Variants in OXNAD1 observed in about 807,000 individuals in gnomAD.
OXNAD1 encodes oxidoreductase NAD-binding domain-containing protein 1.
In OXNAD1, 34 loss-of-function variants were observed where a neutral mutation model predicts 32.9. The observed-to-expected ratio is 1.03, with a 90% CI of 0.79 to 1.38. OXNAD1 has a LOEUF of 1.38. OXNAD1 is among the 40% of genes most tolerant of loss of function. OXNAD1 has a pLI of 0.00. For missense variants in OXNAD1, 407 were observed against 379.4 expected, an observed-to-expected ratio of 1.07 and a Z score of -0.60; for synonymous variants, 134 against 135.2, an observed-to-expected ratio of 0.99 and a Z score of 0.06.
In OXNAD1 at chr3:16,317,121, C is replaced by T; in HGVS notation, c.*30+13529C>T. ...TCTCCAGCTTTGGAAGACTGGTCTT[C>T]TAAGTTCTTCTCATTTTCTTCTGCT... is the stretch of plus-strand genomic sequence containing the variant. On this transcript the variant is annotated intron_variant, in intron 9 of 9. Transcript: ENST00000435829. The surrounding 1 kb of genome is among the most constrained non-coding windows in gnomAD (Gnocchi z 4.3). 6.2e-7 allele frequency: 1 copy of T among 1,613,860 alleles called. No individual in the cohort carries two copies. The highest frequency in any genetic ancestry group is 8.5e-7 in the Non-Finnish European group (1 of 1,179,994).
downstream of OXNAD1, among the ~76,000 whole-genome samples, chr3:16,351,322 C>G (rs1189783527): frequency 2.0e-5 from 3 of 152,174 alleles, no homozygotes; most frequent in Non-Finnish European, 2.9e-5. This position sits in a 1 kb window ranked among gnomAD's most constrained non-coding sequence, Gnocchi z 5.4. Flanking sequence ...ACATATGAAG[C>G]CTTCAGGGAA....
At chr3:16,292,359 A>C (rs1316539186) in intron 5 of OXNAD1, among the ~76,000 whole-genome samples, 1 of 151,642 alleles carries the variant, frequency 6.6e-6, no homozygotes, top group Admixed American at 6.6e-5. Flanking sequence ...TGCCCAGCTA[A>C]TTTTTTTATT....
intron 9 of OXNAD1, among the ~76,000 whole-genome samples, chr3:16,325,811 C>T (rs997803028): frequency 6.6e-6 from 1 of 152,220 alleles, no homozygotes; most frequent in African/African-American, 2.4e-5. Flanking sequence ...CATGATTCTG[C>T]ACTCTCAATC....
chr3:16,294,285 A>T (rs758980453), intron 5 of OXNAD1, among the ~76,000 whole-genome samples: 3 of 151,236 alleles, frequency 2.0e-5, no homozygotes, highest in East Asian at 3.9e-4. Context: ...TCACTGCAAC[A>T]TCCACCTCCC....
rs1181164044 is a variant in OXNAD1, at chr3:16,327,448, A to G, written c.*31-9664A>G. 1.3e-5 allele frequency among the ~76,000 whole-genome samples: 2 copies of G among 152,148 alleles called. No individual in the cohort carries two copies. The highest frequency in any genetic ancestry group is 2.4e-5 in the African/African-American group (1 of 41,430). ...TCAAATTAGGATTTGGGGAACTAAC[A>G]TTTGTCTTTCAGTTAAAAAACTCAG... On this transcript the variant is annotated intron_variant, in intron 9 of 9. Coordinates refer to the OXNAD1 transcript ENST00000435829. This position sits in a 1 kb window ranked among gnomAD's most constrained non-coding sequence, Gnocchi z 4.2.
chr3:16,324,326 T>C (rs527598261), intron 9 of OXNAD1, among the ~76,000 whole-genome samples: 4 of 152,296 alleles, frequency 2.6e-5, no homozygotes, highest in African/African-American at 9.6e-5. Flanking sequence ...CTGTAAACTA[T>C]ACAAGGCATT....
In OXNAD1 at chr3:16,312,971, C is replaced by T. The variant is rs144618986; in HGVS notation, c.*30+9379C>T. ...ATTTCTGTTAAGATGGGATATACTA[C>T]GCTTCAGTAGCCAATAAATCTCAAA... On this transcript the variant is annotated intron_variant, in intron 9 of 9. Transcript: ENST00000435829. This position sits in a 1 kb window ranked among gnomAD's most constrained non-coding sequence, Gnocchi z 4.7. Among the ~76,000 whole-genome samples, 7 of 152,136 alleles carry T rather than the reference C, an allele frequency of 4.6e-5. No homozygotes were observed. Among genetic ancestry groups the T allele is most frequent in the East Asian group, 1.9e-4 (1 of 5,176 alleles).
At position 16,317,239 on chromosome 3, in the gene OXNAD1, A is replaced by G. The variant is rs2068505357; in HGVS notation, c.*30+13647A>G. ...TGGAGAATCGCCACTGAAACTAGAA[A>G]TCAGAAAGGATGGGGATAAATAACA... On this transcript the variant is annotated intron_variant, in intron 9 of 9. Coordinates refer to the OXNAD1 transcript ENST00000435829. The surrounding 1 kb of genome is among the most constrained non-coding windows in gnomAD (Gnocchi z 4.3). The G allele has an allele frequency of 6.2e-7, 1 of 1,610,726 alleles. No homozygotes were observed. Among genetic ancestry groups the G allele is most frequent in the African/African-American group, 1.3e-5 (1 of 74,740 alleles).
At chr3:16,323,287 A>T in intron 9 of OXNAD1, 1 of 942,276 alleles carries the variant, frequency 1.1e-6, no homozygotes, top group Non-Finnish European at 1.7e-6. Context: ...TGGAAGCTGG[A>T]GCAGGCTGCC....
chr3:16,302,574 A>G lies in OXNAD1; in HGVS notation c.676-66A>G, dbSNP rs147306246. ...GAATGGGAGTTGAGGTTCAGCGTCAATGGTTGTGCACATCTGTTTTGATTT... is the reference window on the plus strand; with the variant it reads ...GAATGGGAGTTGAGGTTCAGCGTCAGTGGTTGTGCACATCTGTTTTGATTT... On this transcript the variant is annotated intron_variant, in intron 7 of 8. Transcript: ENST00000285083. This position sits in a 1 kb window ranked among gnomAD's most constrained non-coding sequence, Gnocchi z 4.2. 315 of 1,072,176 alleles carry G rather than the reference A, an allele frequency of 2.9e-4. 1 individual carries two copies. The East Asian group carries it at 6.5e-3, about 22-fold the overall frequency. 66.4% of individuals were successfully genotyped at this position (1,072,176 alleles called of 1,614,324 possible). A position where few individuals can be genotyped will look rare whatever the true frequency, so the allele number is the denominator to read the frequency against.
Position 16,289,437 on chromosome 3 carries a change from T to C in OXNAD1, c.290+2989T>C, listed in dbSNP as rs1424816347. Among the ~76,000 whole-genome samples the C allele has an allele frequency of 1.3e-5, 2 of 152,208 alleles. No individual in the cohort carries two copies. The highest frequency in any genetic ancestry group is 2.4e-5 in the African/African-American group (1 of 41,454). ...GTGGAGGGAATTCCTGGTCCTAGTG[T>C]GTCTGACTTTCTACAAGATAACATA... On this transcript the variant is annotated intron_variant, in intron 5 of 8. Coordinates refer to ENST00000285083, the MANE Select transcript of OXNAD1 (RefSeq NM_138381.5). The surrounding 1 kb of genome is among the most constrained non-coding windows in gnomAD (Gnocchi z 4.9).
At position 16,302,644 on chromosome 3, in the gene OXNAD1, AT is replaced by A. The variant is rs1357161547; in HGVS notation, c.681del (p.Asn227LysfsTer5). 1 of 1,607,090 alleles carries A rather than the reference AT, an allele frequency of 6.2e-7. No individual in the cohort carries two copies. Among genetic ancestry groups the A allele is most frequent in the South Asian group, 1.1e-5 (1 of 90,520 alleles). Reference sequence around the variant, plus strand: ...CAAATATGTTTGACATTCCAGAAAAATATCCTTGATTTAGTAAATGAATTTC... The same window carrying A: ...CAAATATGTTTGACATTCCAGAAAAAATCCTTGATTTAGTAAATGAATTTC... Reference protein sequence around the residue: ...KNTSELLFKKNILDLVNEFPE... With the variant: ...KNTSELLFKKXILDLVNEFPE... On this transcript the variant is annotated frameshift_variant, in exon 8 of 9. Coordinates refer to ENST00000285083, the MANE Select transcript of OXNAD1 (RefSeq NM_138381.5). LOFTEE classifies it high-confidence loss of function. This position sits in a 1 kb window ranked among gnomAD's most constrained non-coding sequence, Gnocchi z 4.2.
Position 16,271,839 on chromosome 3 carries a change from T to C in OXNAD1, c.183+117T>C. On this transcript the variant is annotated intron_variant, in intron 4 of 8. Coordinates refer to ENST00000285083, the MANE Select transcript of OXNAD1 (RefSeq NM_138381.5). The surrounding 1 kb of genome is among the most constrained non-coding windows in gnomAD (Gnocchi z 4.6). ...GTCCTTTTGAAGGAGAGTTGGGAAGTTTGTTATTTTTCTATTTAGAAATTT... is the reference window on the plus strand; with the variant it reads ...GTCCTTTTGAAGGAGAGTTGGGAAGCTTGTTATTTTTCTATTTAGAAATTT... 1 of 870,398 alleles carries C rather than the reference T, an allele frequency of 1.1e-6. No homozygotes were observed. 53.9% of individuals were successfully genotyped at this position (870,398 alleles called of 1,614,324 possible).
Position 16,286,353 on chromosome 3 carries a change from A to T in OXNAD1, c.195A>T (p.Ala65=). Residue 65 remains alanine, a synonymous_variant, in exon 5 of 9, where the codon GCA becomes GCT. Coordinates refer to ENST00000285083, the MANE Select transcript of OXNAD1 (RefSeq NM_138381.5). ...ASVLRREIVS[A]AKVCGAASES... is the part of the protein sequence containing the mutation. ...TCTTTTGGTTTTAGATTGTGTCAGC[A>T]GCTAAGGTGTGTGGAGCTGCCAGTG... 2 of 1,613,410 alleles carry T rather than the reference A, an allele frequency of 1.2e-6. No individual in the cohort carries two copies. Among genetic ancestry groups the T allele is most frequent in the Non-Finnish European group, 1.7e-6 (2 of 1,179,388 alleles).
Position 16,269,758 on chromosome 3 carries a change from G to T in OXNAD1, c.-9+483G>T, listed in dbSNP as rs532272192. Among the ~76,000 whole-genome samples the T allele has an allele frequency of 4.6e-4, 70 of 152,152 alleles. 1 individual carries two copies. Among genetic ancestry groups the T allele is most frequent in the Non-Finnish European group, 8.8e-5 (6 of 68,020 alleles). Reference sequence around the variant, plus strand: ...GAGTAGGAATGTAAACACTTAGCTTGAATATTTTGCTAACAGCAATTTATC... The same window carrying T: ...GAGTAGGAATGTAAACACTTAGCTTTAATATTTTGCTAACAGCAATTTATC... On this transcript the variant is annotated intron_variant, in intron 2 of 8. Transcript: ENST00000285083.
intron 9 of OXNAD1, chr3:16,347,642 A>T (rs913991096): frequency 6.6e-6 from 1 of 152,272 alleles, no homozygotes; most frequent in Non-Finnish European, 1.5e-5. Context: ...CTCTGTGTGT[A>T]CACCACCTCC....
chr3:16,271,469 G>T lies in OXNAD1; in HGVS notation c.120-190G>T, dbSNP rs904340082. ...TCTGCCTGCCTCGGCCTCCCAAAGT[G>T]CTGAGATTACAGGCATGAGCCACCA... On this transcript the variant is annotated intron_variant, in intron 3 of 8. Coordinates refer to ENST00000285083, the MANE Select transcript of OXNAD1 (RefSeq NM_138381.5). This position sits in a 1 kb window ranked among gnomAD's most constrained non-coding sequence, Gnocchi z 4.6. 9.3e-4 allele frequency among the ~76,000 whole-genome samples: 141 copies of T among 152,348 alleles called. 2 individuals carry two copies. Among genetic ancestry groups the T allele is most frequent in the Non-Finnish European group, 8.1e-4 (55 of 68,038 alleles).
chr3:16,305,733 C>G lies in OXNAD1; in HGVS notation c.*2171C>G, dbSNP rs969241207. 7.2e-5 allele frequency: 11 copies of G among 152,202 alleles called. No individual in the cohort carries two copies. Among genetic ancestry groups the G allele is most frequent in the African/African-American group, 2.7e-4 (11 of 41,446 alleles). The allele number at this position is 152,202 out of a possible 1,614,324, so 9.4% of individuals were successfully genotyped here. On this transcript the variant is annotated 3_prime_UTR_variant, in exon 9 of 9. Coordinates refer to ENST00000285083, the MANE Select transcript of OXNAD1 (RefSeq NM_138381.5). This position sits in a 1 kb window ranked among gnomAD's most constrained non-coding sequence, Gnocchi z 4.5. ...TAGGTAGATGACCTTGAGCAAGTCA[C>G]TTAACTGCTCTATGCCTCATTTAAA...
chr3:16,331,291 T>TA (rs2070284486), intron 9 of OXNAD1, among the ~76,000 whole-genome samples: 1 of 152,256 alleles, frequency 6.6e-6, no homozygotes, highest in Non-Finnish European at 1.5e-5. Context: ...TTATTTTACT[T>TA]ATCAGTTTTA....
Sources: allele counts gnomAD v4.1 joint callset (sites outside exome capture counted in the v4.1 genomes callset), GRCh38; gene constraint gnomAD v4.1.1; non-coding constraint Gnocchi (gnomAD v3.1); transcripts MANE v1.5; gene names NCBI Gene and HGNC (gene_info 2026-07-23, HGNC 2026-07-21).